ITIH5: variants seen among roughly 807,000 people sequenced by gnomAD.
ITIH5 encodes the protein inter-alpha-trypsin inhibitor heavy chain 5, also known as inter-alpha-trypsin inhibitor heavy chain H5.
Under a neutral mutation model 77.5 loss-of-function variants are expected in ITIH5, and 65 were observed. That is an observed-to-expected ratio of 0.84 (90% confidence interval 0.69 to 1.03). The LOEUF (loss-of-function observed/expected upper bound fraction) is 1.03, where lower values mean the gene tolerates loss of function less well. Among genes scored for constraint, ITIH5 ranks in the 50% least tolerant of loss-of-function variants. ITIH5 has a pLI of 0.00. For synonymous variants in ITIH5, 525 were observed against 494.3 expected (o/e 1.06, Z -0.82); for missense variants, 1,208 against 1,213.1 (o/e 1.00, Z 0.06).
intron 5 of ITIH5, among the ~76,000 whole-genome samples, chr10:7,630,285 A>T (rs1833691563): frequency 1.3e-5 from 2 of 152,232 alleles, no homozygotes; most frequent in African/African-American, 4.8e-5. Flanking sequence ...GGGAGAAATA[A>T]CTGTTGGTTA....
chr10:7,571,985 T>C (rs554182940), intron 11 of ITIH5: 2 of 1,006,066 alleles, frequency 2.0e-6, no homozygotes, highest in South Asian at 4.2e-5. Context: ...TACCACACCA[T>C]TTCTACTCAA....
chr10:7,560,861 C>T lies in ITIH5; in HGVS notation c.*2222G>A, dbSNP rs1386817030. On this transcript the variant is annotated 3_prime_UTR_variant, in exon 14 of 14. Transcript: ENST00000397146. ...AATGATTCTGGAGGTTCAGTGTAGCCCTGCATTAAGTATGTTGTATGACTT... is the reference window on the plus strand; with the variant it reads ...AATGATTCTGGAGGTTCAGTGTAGCTCTGCATTAAGTATGTTGTATGACTT... 1 of 151,964 alleles carries T rather than the reference C, an allele frequency of 6.6e-6. No individual in the cohort carries two copies. The allele number at this position is 151,964 out of a possible 1,614,324, so 9.4% of individuals were successfully genotyped here. A position where few individuals can be genotyped will look rare whatever the true frequency, so the allele number is the denominator to read the frequency against.
intron 11 of ITIH5, chr10:7,572,201 G>A (rs1047330615): frequency 3.3e-6 from 4 of 1,221,490 alleles, no homozygotes; most frequent in Non-Finnish European, 4.2e-6. Context: ...GATGTCCCTG[G>A]CTTTAGGAAC....
intron 7 of ITIH5, among the ~76,000 whole-genome samples, chr10:7,590,871 G>A (rs1025361685): frequency 1.3e-5 from 2 of 152,120 alleles, no homozygotes; most frequent in East Asian, 1.9e-4. Flanking sequence ...ATGGCCCCTC[G>A]CTGCCCTCAG....
Position 7,562,878 on chromosome 10 carries a change from A to C in ITIH5, c.*205T>G. On this transcript the variant is annotated 3_prime_UTR_variant, in exon 14 of 14. Coordinates refer to ENST00000397146, the MANE Select transcript of ITIH5 (RefSeq NM_030569.7). Reference sequence around the variant, plus strand: ...GAGGCAGGAAGAGGCAGTAGAGGGAAATGACATTTGCACTCAGGCTTCCCG... The same window carrying C: ...GAGGCAGGAAGAGGCAGTAGAGGGACATGACATTTGCACTCAGGCTTCCCG... 3.2e-6 allele frequency: 2 copies of C among 620,786 alleles called. No individual in the cohort carries two copies. The highest frequency in any genetic ancestry group is 2.7e-5 in the East Asian group (1 of 37,712). 38.5% of individuals were successfully genotyped at this position (620,786 alleles called of 1,614,324 possible). A position where few individuals can be genotyped will look rare whatever the true frequency, so the allele number is the denominator to read the frequency against.
rs999994432 is a variant in ITIH5, at chr10:7,609,569, G to A, written c.939+6413C>T. On this transcript the variant is annotated intron_variant, in intron 7 of 13. Coordinates refer to ENST00000397146, the MANE Select transcript of ITIH5 (RefSeq NM_030569.7). ...CCAGTCCTCCTACTCGTTAATTCAC[G>A]TTTGCCCTCATTTTAACTTGACTAA... 2.6e-5 allele frequency: 11 copies of A among 429,164 alleles called. No homozygotes were observed. In the East Asian group the frequency reaches 3.6e-4, roughly 14 times the overall value. 26.6% of individuals were successfully genotyped at this position (429,164 alleles called of 1,614,324 possible).
intron 1 of ITIH5, 111 bp from the exon 2 acceptor site, chr10:7,655,786 C>T (rs1306891305): frequency 4.9e-6 from 4 of 817,000 alleles, no homozygotes; most frequent in Non-Finnish European, 8.1e-6. Flanking sequence ...AAAATCTATT[C>T]AGATTCACCA....
At chr10:7,587,736 C>A (rs954293735) in intron 7 of ITIH5, among the ~76,000 whole-genome samples, 9 of 152,130 alleles carry the variant, frequency 5.9e-5, no homozygotes, top group Non-Finnish European at 1.2e-4. Context: ...GGTGGAAAGC[C>A]CCGGCAGAGC....
At chr10:7,572,463 C>T (rs1832321229) in intron 11 of ITIH5, 3 of 1,324,618 alleles carry the variant, frequency 2.3e-6, no homozygotes. Flanking sequence ...TTTGGTAGCA[C>T]CATTTTATGT....
At position 7,566,183 on chromosome 10, in the gene ITIH5, C is replaced by G. The variant is rs193280134; in HGVS notation, c.2374G>C (p.Ala792Pro). 3.0e-5 allele frequency: 48 copies of G among 1,614,040 alleles called. No homozygotes were observed. The highest frequency in any genetic ancestry group is 4.0e-5 in the Non-Finnish European group (47 of 1,179,996). Residue 792 changes from alanine to proline, a missense_variant, in exon 13 of 14, where the codon GCC becomes CCC. Physicochemically the swap from Ala to Pro is conservative, Grantham distance 27 (BLOSUM62 -1). Coordinates refer to ENST00000397146, the MANE Select transcript of ITIH5 (RefSeq NM_030569.7). ...GSWGLEVSVSANANVTVTIQG... is the reference protein window; with the variant it reads ...GSWGLEVSVSPNANVTVTIQG... ...ATGGTGACGGTGACATTGGCGTTGG[C>G]AGACACGGACACCTCCAGCCCCCAG...
intron 9 of ITIH5, among the ~76,000 whole-genome samples, chr10:7,577,221 C>T (rs767218700): frequency 2.0e-5 from 3 of 152,172 alleles, no homozygotes; most frequent in East Asian, 1.9e-4. Flanking sequence ...CATTCTCTCA[C>T]GCGGCTTCTG....
At chr10:7,604,201 C>A (rs1395596305) in intron 7 of ITIH5, among the ~76,000 whole-genome samples, 2 of 152,170 alleles carry the variant, frequency 1.3e-5, no homozygotes, top group African/African-American at 4.8e-5. Context: ...TCTTCCCTTG[C>A]CCCCCAACCT....
chr10:7,568,118 C>T (rs1186254272), intron 12 of ITIH5, among the ~76,000 whole-genome samples: 1 of 152,058 alleles, frequency 6.6e-6, no homozygotes, highest in Non-Finnish European at 1.5e-5. Context: ...AAACAGATGG[C>T]GATTGCACTT....
intron 10 of ITIH5, among the ~76,000 whole-genome samples, chr10:7,574,578 G>A (rs1027241460): frequency 6.6e-6 from 1 of 152,120 alleles, no homozygotes; most frequent in African/African-American, 2.4e-5. Context: ...CGGATCACAA[G>A]GTCAGGAGAT....
chr10:7,602,015 G>A (rs1382181058), intron 7 of ITIH5, among the ~76,000 whole-genome samples: 1 of 152,068 alleles, frequency 6.6e-6, no homozygotes, highest in African/African-American at 2.4e-5. Context: ...ACCACGCAGG[G>A]CTAATTTTTT....
intron 8 of ITIH5, among the ~76,000 whole-genome samples, chr10:7,583,207 T>C (rs924198032): frequency 1.3e-5 from 2 of 152,198 alleles, no homozygotes; most frequent in Non-Finnish European, 2.9e-5. Flanking sequence ...ATCCTCCAGA[T>C]TTTCTAGCTA....
chr10:7,602,567 A>G (rs185281813), intron 7 of ITIH5, among the ~76,000 whole-genome samples: 2 of 152,252 alleles, frequency 1.3e-5, no homozygotes, highest in African/African-American at 4.8e-5. Flanking sequence ...CCCTGTGAAG[A>G]AGGTTCCTGC....
chr10:7,664,260 C>T (rs908704169), intron 1 of ITIH5, among the ~76,000 whole-genome samples: 1 of 151,900 alleles, frequency 6.6e-6, no homozygotes, highest in African/African-American at 2.4e-5. Context: ...ATTAGCCAGG[C>T]ATGGTGGAGT....
chr10:7,623,790 A>C (rs577269417), intron 5 of ITIH5, among the ~76,000 whole-genome samples: 1 of 142,500 alleles, frequency 7.0e-6, no homozygotes, highest in South Asian at 2.4e-4. Flanking sequence ...GCGACAGAGT[A>C]AGACTCCATC....
Sources: gnomAD v4.1 joint callset for allele counts (sites outside exome capture counted in the v4.1 genomes callset) on GRCh38, gnomAD v4.1.1 for gene constraint, MANE v1.5 for transcripts, NCBI Gene and HGNC (gene_info 2026-07-23, HGNC 2026-07-21) for gene names.